Variants in SCN11A observed in about 807,000 individuals in gnomAD.
The protein encoded by SCN11A is sodium channel protein type 11 subunit alpha.
SCN11A carries 122 observed loss-of-function variants against 162.2 expected under a neutral mutation model. The ratio of observed to expected loss-of-function variants is 0.75; its 90% CI spans 0.65 to 0.87. SCN11A has a LOEUF of 0.87. Ranked by LOEUF, SCN11A falls within the 40% of genes least tolerant of loss-of-function variation. The pLI is 0.00. For synonymous variants in SCN11A, 758 were observed against 751.5 expected (o/e 1.01, Z -0.14); for missense variants, 2,015 against 2,181.6 (o/e 0.92, Z 1.52).
chr3:38,855,564 T>C (rs948028182), intron 28 of SCN11A, among the ~76,000 whole-genome samples: 1 of 152,116 alleles, frequency 6.6e-6, no homozygotes, highest in Non-Finnish European at 1.5e-5. Context: ...AATAGCACAG[T>C]GGTGCTCTCT....
chr3:38,860,591 C>A (rs1283414202), intron 28 of SCN11A, among the ~76,000 whole-genome samples: 1 of 152,136 alleles, frequency 6.6e-6, no homozygotes, highest in African/African-American at 2.4e-5. Context: ...TTAACATACG[C>A]AAGTCAATAA....
At chr3:38,865,401 A>G (rs1356536245) in intron 27 of SCN11A, among the ~76,000 whole-genome samples, 1 of 152,242 alleles carries the variant, frequency 6.6e-6, no homozygotes, top group Non-Finnish European at 1.5e-5. Flanking sequence ...ACTCCTGAGT[A>G]GCAGAAGCAA....
intron 1 of SCN11A, among the ~76,000 whole-genome samples, chr3:39,046,391 A>T (rs1195607935): frequency 6.6e-6 from 1 of 152,200 alleles, no homozygotes; most frequent in African/African-American, 2.4e-5. Flanking sequence ...AAATGGAAAG[A>T]CATCCATGTT....
intron 11 of SCN11A, among the ~76,000 whole-genome samples, chr3:38,915,659 C>T (rs913974822): frequency 2.6e-5 from 4 of 151,588 alleles, no homozygotes; most frequent in Admixed American, 6.6e-5. Context: ...TGCTGTGGTC[C>T]GAGAGTGTGT....
chr3:38,870,836 C>T (rs1366886492), intron 25 of SCN11A, 92 bp from the exon 26 acceptor site: 1 of 1,053,240 alleles, frequency 9.5e-7, no homozygotes, highest in East Asian at 2.4e-5. Flanking sequence ...GCCCAGTGGG[C>T]TGAATATATA....
Position 38,945,872 on chromosome 3 carries a change from C to T in SCN11A, c.387-360G>A, listed in dbSNP as rs544571483. Among the ~76,000 whole-genome samples, 288 of 152,298 alleles carry T rather than the reference C, an allele frequency of 1.9e-3. 2 individuals carry two copies. The highest frequency in any genetic ancestry group is 6.3e-3 in the African/African-American group (261 of 41,552). ...CTTGCTTGGCTCTTTGTTTTCCCCC[C>T]TTCTGCTTCCCTTTCTCCTTCTCCA... On this transcript the variant is annotated intron_variant, in intron 6 of 29. Coordinates refer to ENST00000302328, the MANE Select transcript of SCN11A (RefSeq NM_001349253.2).
At chr3:38,992,626 A>G (rs185608645) in intron 2 of SCN11A, among the ~76,000 whole-genome samples, 6 of 152,352 alleles carry the variant, frequency 3.9e-5, no homozygotes, top group Admixed American at 3.9e-4. Flanking sequence ...ATAGTAAAAG[A>G]AAATACCCTT....
chr3:38,984,515 C>CT (rs11305181), intron 2 of SCN11A, among the ~76,000 whole-genome samples: 5,776 of 144,440 alleles, frequency 0.04, 235 homozygotes, highest in East Asian at 0.18. Flanking sequence ...TTGTGCTGAG[C>CT]TTTTTTTTTT....
At position 38,850,677 on chromosome 3, in the gene SCN11A, G is replaced by C; in HGVS notation, c.4131C>G (p.Ile1377Met). 6.2e-7 allele frequency: 1 copy of C among 1,613,442 alleles called. No individual in the cohort carries two copies. The highest frequency in any genetic ancestry group is 8.5e-7 in the Non-Finnish European group (1 of 1,179,426). Residue 1377 changes from isoleucine (I) to methionine (M), a missense_variant, in exon 29 of 30, where the codon ATC (isoleucine) becomes ATG (methionine). Ile to Met is a conservative substitution (Grantham distance 10). Coordinates refer to ENST00000302328, the MANE Select transcript of SCN11A (RefSeq NM_001349253.2). The part of the protein sequence containing the change: ...IFDIIIISLI[I>M]LNMISMMAES... ...CAGCCATCATGCTAATCATGTTTAG[G>C]ATAATGAGACTTATGATGATGATGT... is the stretch of plus-strand genomic sequence containing the variant.
chr3:38,950,080 C>CG lies in SCN11A; in HGVS notation c.267+15_267+16insC, dbSNP rs2066585487. On this transcript the variant is annotated intron_variant, in intron 5 of 29. Transcript: ENST00000302328. The stretch of plus-strand genomic sequence containing the variant: ...ACACCCCCACCCCCACCCCCCCCCC[C>CG]CGCCCAATGAAGTACCTTATGATTT... The CG allele has an allele frequency of 2.0e-5, 4 of 199,786 alleles. No individual in the cohort carries two copies. Among genetic ancestry groups the CG allele is most frequent in the Non-Finnish European group, 3.3e-5 (3 of 91,918 alleles). The allele number at this position is 199,786 out of a possible 1,614,324, so 12.4% of individuals were successfully genotyped here.
At chr3:38,871,830 A>C in intron 24 of SCN11A, 122 bp from the exon 25 acceptor site, 5 of 793,648 alleles carry the variant, frequency 6.3e-6, no homozygotes, top group Non-Finnish European at 1.0e-5. Context: ...CTTAATCTCC[A>C]CATACATGTG....
In SCN11A at chr3:38,846,830, T is replaced by C. The variant is rs746775112; in HGVS notation, c.5240A>G (p.Tyr1747Cys). 6.2e-7 allele frequency: 1 copy of C among 1,614,132 alleles called. No homozygotes were observed. The highest frequency in any genetic ancestry group is 1.7e-5 in the Admixed American group (1 of 60,028). Residue 1747 changes from tyrosine (Y) to cysteine (C), a missense_variant, in exon 30 of 30, where the codon TAC becomes TGC. Physicochemically the swap from Tyr to Cys is radical, Grantham distance 194 (BLOSUM62 -2). Transcript: ENST00000302328. ...AAIIQKAFRK[Y>C]MMKVTKGDQG... ...GTCACCCTTGGTCACCTTCATCATG[T>C]ACTTTCGAAAGGCCTTTTGAATAAT...
In SCN11A at chr3:38,904,785, T is replaced by A. The variant is rs1234811745; in HGVS notation, c.1603+407A>T. On this transcript the variant is annotated intron_variant, in intron 15 of 29. Coordinates refer to ENST00000302328, the MANE Select transcript of SCN11A (RefSeq NM_001349253.2). ...TTCTACATAGGTCTTCTATTGCCCA[T>A]GTGGGGTTTCTGACTCTAACTTCAA... 2.0e-5 allele frequency among the ~76,000 whole-genome samples: 3 copies of A among 152,210 alleles called. No homozygotes were observed. In the East Asian group the frequency reaches 5.8e-4, roughly 29 times the overall value.
chr3:38,850,227 C>A, intron 29 of SCN11A: 3 of 398,108 alleles, frequency 7.5e-6, no homozygotes, highest in African/African-American at 4.1e-5. Context: ...TGTCTATTTC[C>A]ATTGAATACA....
At chr3:38,914,405 T>G (rs2065929812) in intron 11 of SCN11A, among the ~76,000 whole-genome samples, 1 of 152,208 alleles carries the variant, frequency 6.6e-6, no homozygotes, top group Non-Finnish European at 1.5e-5. Flanking sequence ...TTATGGGGTT[T>G]TCTAGATATA....
At chr3:38,968,078 T>C (rs1437884225) in intron 2 of SCN11A, among the ~76,000 whole-genome samples, 1 of 152,204 alleles carries the variant, frequency 6.6e-6, no homozygotes, top group Admixed American at 6.5e-5. Context: ...CTGACCCTCA[T>C]GGAGTAGAAC....
intron 2 of SCN11A, among the ~76,000 whole-genome samples, chr3:38,967,480 T>C (rs922011136): frequency 1.3e-5 from 2 of 152,174 alleles, no homozygotes; most frequent in Non-Finnish European, 2.9e-5. Context: ...GAGTAAGTCA[T>C]CTTGGAAGCA....
At chr3:39,005,410 C>T (rs2030942413) in intron 2 of SCN11A, among the ~76,000 whole-genome samples, 1 of 152,230 alleles carries the variant, frequency 6.6e-6, no homozygotes, top group Non-Finnish European at 1.5e-5. Flanking sequence ...TGACTACAAC[C>T]CCTGAGAGGG....
rs1559501452 is a variant in SCN11A, at chr3:38,877,034, A to ATATATGGTG, written c.3393+2915_3393+2916insCACCATATA. ...GAGACATATGGTGTATATATATGGT[A>ATATATGGTG]TATATATGGTGTATATACTATATAT... is the stretch of plus-strand genomic sequence containing the variant. On this transcript the variant is annotated intron_variant, in intron 23 of 29. Transcript: ENST00000302328. Among the ~76,000 whole-genome samples, 18 of 38,216 alleles carry ATATATGGTG rather than the reference A, an allele frequency of 4.7e-4. 1 individual carries two copies. Among genetic ancestry groups the ATATATGGTG allele is most frequent in the African/African-American group, 1.7e-3 (18 of 10,526 alleles). 25.1% of individuals were successfully genotyped at this position (38,216 alleles called of 152,430 possible).
Sources: gnomAD v4.1 joint callset for allele counts (sites outside exome capture counted in the v4.1 genomes callset) on GRCh38, gnomAD v4.1.1 for gene constraint, MANE v1.5 for transcripts, NCBI Gene and HGNC (gene_info 2026-07-23, HGNC 2026-07-21) for gene names.